PPHLN1: variants seen among roughly 807,000 people sequenced by gnomAD.
PPHLN1 encodes the protein periphilin-1.
PPHLN1 carries 29 observed loss-of-function variants against 51.3 expected under a neutral mutation model. That is an observed-to-expected ratio of 0.57 (90% confidence interval 0.42 to 0.77). PPHLN1 has a LOEUF of 0.77. Among genes scored for constraint, PPHLN1 ranks in the 30% least tolerant of loss-of-function variants. The pLI is 0.00. For synonymous variants in PPHLN1, 147 were observed against 147.8 expected (o/e 0.99, Z 0.04); for missense variants, 436 against 438.4 (o/e 0.99, Z 0.05).
At chr12:42,348,619 A>G (rs1299552850) in intron 2 of PPHLN1, among the ~76,000 whole-genome samples, 1 of 152,216 alleles carries the variant, frequency 6.6e-6, no homozygotes, top group South Asian at 2.1e-4. Flanking sequence ...TAAGCTCTCT[A>G]TTCATAGAAG....
chr12:42,344,622 CAT>C (rs1265017145), intron 2 of PPHLN1, among the ~76,000 whole-genome samples: 2 of 151,046 alleles, frequency 1.3e-5, no homozygotes, highest in East Asian at 3.9e-4. Context: ...ATTTTAATGA[CAT>C]ATTGGAAAAG....
chr12:42,423,320 A>G (rs1038563959), intron 9 of PPHLN1, among the ~76,000 whole-genome samples: 19 of 152,138 alleles, frequency 1.2e-4, no homozygotes, highest in Admixed American at 6.5e-5. Context: ...AGATAAAAGT[A>G]AAATAATGAA....
chr12:42,376,945 C>G (rs959215784), intron 5 of PPHLN1, among the ~76,000 whole-genome samples: 1 of 151,984 alleles, frequency 6.6e-6, no homozygotes, highest in South Asian at 2.1e-4. Flanking sequence ...CTTCTATATA[C>G]CCCATCCCTA....
Position 42,441,485 on chromosome 12 carries a change from T to C in PPHLN1, c.1080T>C (p.Thr360=), listed in dbSNP as rs777020889. The C allele has an allele frequency of 1.9e-6, 3 of 1,600,034 alleles. No individual in the cohort carries two copies. The highest frequency in any genetic ancestry group is 2.6e-6 in the Non-Finnish European group (3 of 1,174,418). Reference sequence around the variant, plus strand: ...TCATTGCAGAGTATGATACTTCCACTCAAGATTTTGGAGAGCCTTTTTAGA... The same window carrying C: ...TCATTGCAGAGTATGATACTTCCACCCAAGATTTTGGAGAGCCTTTTTAGA... ...KHFIAEYDTS[T]QDFGEPF The change falls in exon 10 of 10, where the codon ACT becomes ACC. Residue 360 remains threonine, a synonymous_variant. Transcript: ENST00000358314.
rs779436429 is a variant in PPHLN1, at chr12:42,393,550, A to C, written c.649-20A>C. 6.4e-7 allele frequency: 1 copy of C among 1,564,404 alleles called. No individual in the cohort carries two copies. ...TAAAAGCCCTTGAGAATTGTAACAG[A>C]AATGTTCTATTTTTATTAGGTGTTA... On this transcript the variant is annotated intron_variant, in intron 7 of 9. Coordinates refer to ENST00000358314, the MANE Select transcript of PPHLN1 (RefSeq NM_201439.2).
chr12:42,401,338 G>A (rs964006614), intron 9 of PPHLN1, among the ~76,000 whole-genome samples: 24 of 152,064 alleles, frequency 1.6e-4, no homozygotes, highest in African/African-American at 5.3e-4. Flanking sequence ...CCATGAATTC[G>A]TTTTTAAACC....
At chr12:42,402,065 C>T (rs2078893475) in intron 9 of PPHLN1, among the ~76,000 whole-genome samples, 1 of 151,982 alleles carries the variant, frequency 6.6e-6, no homozygotes, top group African/African-American at 2.4e-5. Flanking sequence ...CACCTTGTTA[C>T]CCATGTTGGT....
At chr12:42,413,630 C>A (rs901401618) in intron 9 of PPHLN1, among the ~76,000 whole-genome samples, 3 of 151,458 alleles carry the variant, frequency 2.0e-5, no homozygotes, top group African/African-American at 7.3e-5. Context: ...GGCGCCATCT[C>A]GGCTCACTGC....
chr12:42,374,503 G>C (rs920769817), intron 4 of PPHLN1: 1 of 176,502 alleles, frequency 5.7e-6, no homozygotes, highest in African/African-American at 2.4e-5. Context: ...ACAGTGGCGC[G>C]ATCTGGGCTC....
intron 9 of PPHLN1, among the ~76,000 whole-genome samples, chr12:42,413,538 G>A (rs1482964953): frequency 1.2e-5 from 1 of 82,438 alleles, no homozygotes; most frequent in Non-Finnish European, 3.3e-5. Flanking sequence ...GTGTGTGTGT[G>A]TGTGTGTGTG....
intron 9 of PPHLN1, among the ~76,000 whole-genome samples, chr12:42,434,565 C>T (rs892691893): frequency 6.6e-6 from 1 of 152,096 alleles, no homozygotes; most frequent in African/African-American, 2.4e-5. Flanking sequence ...AGTCCTTAGC[C>T]TATGGGATCT....
chr12:42,447,291 C>T (rs1325437599), downstream of PPHLN1: 1 of 152,178 alleles, frequency 6.6e-6, no homozygotes, highest in East Asian at 1.9e-4. Context: ...TGTAACATGT[C>T]CATGATTAAA....
Position 42,442,038 on chromosome 12 carries a change from TC to T in PPHLN1, c.*531del, listed in dbSNP as rs1425566550. On this transcript the variant is annotated 3_prime_UTR_variant, in exon 10 of 10. Transcript: ENST00000358314. ...CTCTGAGAGATACCTCAGAAAAAAA[TC>T]CGTTTTTCCAAGTAATGAACTCAGT... is the stretch of plus-strand genomic sequence containing the variant. 1.1e-6 allele frequency: 1 copy of T among 910,162 alleles called. No individual in the cohort carries two copies. Among genetic ancestry groups the T allele is most frequent in the Non-Finnish European group, 1.3e-6 (1 of 761,666 alleles). 56.4% of individuals were successfully genotyped at this position (910,162 alleles called of 1,614,324 possible). A position where few individuals can be genotyped will look rare whatever the true frequency, so the allele number is the denominator to read the frequency against.
intron 1 of PPHLN1, among the ~76,000 whole-genome samples, chr12:42,334,204 C>T (rs1295432916): frequency 6.6e-6 from 1 of 152,150 alleles, no homozygotes; most frequent in Non-Finnish European, 1.5e-5. Flanking sequence ...AGACTGATTG[C>T]TTGGAATCAT....
chr12:42,420,201 T>A (rs2080860330), intron 9 of PPHLN1, among the ~76,000 whole-genome samples: 2 of 152,208 alleles, frequency 1.3e-5, no homozygotes, highest in African/African-American at 4.8e-5. Context: ...TTTTTCCTTT[T>A]GTTTTTACAT....
intron 5 of PPHLN1, among the ~76,000 whole-genome samples, chr12:42,377,301 CTTTTTTTTT>C (rs11297368): frequency 1.9e-5 from 2 of 104,994 alleles, no homozygotes; most frequent in East Asian, 5.3e-4. Context: ...TTTTTTCTTT[CTTTTTTTTT>C]TTTTTTTTTT....
At chr12:42,347,767 G>C (rs1244165339) in intron 2 of PPHLN1, among the ~76,000 whole-genome samples, 1 of 152,190 alleles carries the variant, frequency 6.6e-6, no homozygotes, top group Non-Finnish European at 1.5e-5. Context: ...GCCGCAGAGT[G>C]AGACTCCATC....
At chr12:42,365,156 T>G (rs1024751876) in intron 4 of PPHLN1, among the ~76,000 whole-genome samples, 1 of 152,210 alleles carries the variant, frequency 6.6e-6, no homozygotes, top group Non-Finnish European at 1.5e-5. Context: ...TAAGTCGCAG[T>G]GTCTGTGGTT....
At chr12:42,412,439 C>G (rs1203753222) in intron 9 of PPHLN1, among the ~76,000 whole-genome samples, 1 of 150,790 alleles carries the variant, frequency 6.6e-6, no homozygotes, top group Non-Finnish European at 1.5e-5. Flanking sequence ...TTTTTTTTTA[C>G]AGCTGAATAG....
Sources: allele counts gnomAD v4.1 joint callset (sites outside exome capture counted in the v4.1 genomes callset), GRCh38; gene constraint gnomAD v4.1.1; transcripts MANE v1.5; gene names NCBI Gene and HGNC (gene_info 2026-07-23, HGNC 2026-07-21).